SORCS2: variants seen among roughly 807,000 people sequenced by gnomAD.
SORCS2 encodes sortilin related VPS10 domain containing receptor 2.
Under a neutral mutation model 141.6 loss-of-function variants are expected in SORCS2, and 100 were observed. That is an observed-to-expected ratio of 0.71 (90% CI 0.60 to 0.83). SORCS2 has a LOEUF of 0.83. Among genes scored for constraint, SORCS2 ranks in the 40% least tolerant of loss-of-function variants. The pLI is 0.00. For synonymous variants in SORCS2, 789 were observed against 676.9 expected (o/e 1.17, Z -2.57); for missense variants, 1,646 against 1,560.2 (o/e 1.05, Z -0.93).
intron 9 of SORCS2, among the ~76,000 whole-genome samples, 193 bp downstream of exon 9, chr4:7,676,422 GA>G (rs1723116147): frequency 6.6e-6 from 1 of 152,172 alleles, no homozygotes. Context: ...TATTTTTAGA[GA>G]AAGAGAATTT....
chr4:7,387,922 C>T lies in SORCS2; in HGVS notation c.481-8366C>T, dbSNP rs933498055. 7.3e-5 allele frequency among the ~76,000 whole-genome samples: 4 copies of T among 54,556 alleles called. No homozygotes were observed. The East Asian group carries it at 5.3e-3, about 73-fold the overall frequency. The allele number at this position is 54,556 out of a possible 152,430, so 35.8% of individuals were successfully genotyped here. ...CAGAGATATACACACATGCACACAC[C>T]CACATGCACACACCGATACACATAC... On this transcript the variant is annotated intron_variant, in intron 1 of 26. Coordinates refer to ENST00000507866, the MANE Select transcript of SORCS2 (RefSeq NM_020777.3).
chr4:7,571,055 C>A (rs1489178801), intron 3 of SORCS2, among the ~76,000 whole-genome samples: 2 of 152,220 alleles, frequency 1.3e-5, no homozygotes, highest in African/African-American at 4.8e-5. Flanking sequence ...TCCCCATCTC[C>A]CCAGCTGGAG....
chr4:7,599,354 G>C (rs543493871), intron 3 of SORCS2, among the ~76,000 whole-genome samples: 2 of 152,170 alleles, frequency 1.3e-5, no homozygotes, highest in Non-Finnish European at 2.9e-5. Context: ...CACTTGGCAC[G>C]GGTGCTTCTC....
intron 2 of SORCS2, among the ~76,000 whole-genome samples, chr4:7,409,556 T>C (rs938434491): frequency 6.6e-6 from 1 of 152,206 alleles, no homozygotes; most frequent in African/African-American, 2.4e-5. Flanking sequence ...TTGTTTTCTA[T>C]GGATCATGGC....
Position 7,629,547 on chromosome 4 carries a change from C to T in SORCS2, c.649-8781C>T, listed in dbSNP as rs920690308. ...CCCCTCACCCCTGGCCACTCTCCAG[C>T]GCCCTACCCCCCAACCCCCCTCGCT... is the stretch of plus-strand genomic sequence containing the variant. On this transcript the variant is annotated intron_variant, in intron 3 of 26. Coordinates refer to ENST00000507866, the MANE Select transcript of SORCS2 (RefSeq NM_020777.3). Among the ~76,000 whole-genome samples, 17 of 151,920 alleles carry T rather than the reference C, an allele frequency of 1.1e-4. No homozygotes were observed. The South Asian group carries it at 1.5e-3, about 13-fold the overall frequency.
At chr4:7,596,352 C>A (rs1717276648) in intron 3 of SORCS2, among the ~76,000 whole-genome samples, 1 of 152,118 alleles carries the variant, frequency 6.6e-6, no homozygotes, top group East Asian at 1.9e-4. Flanking sequence ...GGTTGAAGTG[C>A]CGACAGTGTG....
chr4:7,200,797 G>A (rs1280570925), intron 1 of SORCS2, among the ~76,000 whole-genome samples: 5 of 152,156 alleles, frequency 3.3e-5, no homozygotes, highest in African/African-American at 1.2e-4. Flanking sequence ...TGTGTGTCAG[G>A]CCAGTGCTGG....
intron 3 of SORCS2, among the ~76,000 whole-genome samples, chr4:7,579,028 A>AT (rs1715963852): frequency 6.6e-6 from 1 of 152,184 alleles, no homozygotes; most frequent in Non-Finnish European, 1.5e-5. Context: ...GTGAATGGGC[A>AT]GATGGCTATA....
chr4:7,669,043 C>G (rs1463747930), intron 8 of SORCS2, among the ~76,000 whole-genome samples: 2 of 152,340 alleles, frequency 1.3e-5, no homozygotes, highest in East Asian at 3.9e-4. Context: ...CGTCTGCTCC[C>G]TGGACCTGCA....
chr4:7,619,181 C>A (rs759426565), intron 3 of SORCS2, among the ~76,000 whole-genome samples: 1 of 152,326 alleles, frequency 6.6e-6, no homozygotes, highest in South Asian at 2.1e-4. Flanking sequence ...ATGCGTGTGC[C>A]ACTCGGCACC....
At chr4:7,445,106 G>A (rs1727903691) in intron 2 of SORCS2, among the ~76,000 whole-genome samples, 1 of 146,002 alleles carries the variant, frequency 6.8e-6, no homozygotes, top group Admixed American at 6.6e-5. Context: ...TGCAAGATGG[G>A]CTGGCTGTCT....
Position 7,678,369 on chromosome 4 carries a change from G to A in SORCS2, c.1341+2140G>A, listed in dbSNP as rs190234438. Reference sequence around the variant, plus strand: ...GTCCACCAGCTGGGTGCCCTCCCAAGGGATGGCCCTTCTCTGAAAACCATC... The same window carrying A: ...GTCCACCAGCTGGGTGCCCTCCCAAAGGATGGCCCTTCTCTGAAAACCATC... On this transcript the variant is annotated intron_variant, in intron 9 of 26. Transcript: ENST00000507866. 8.8e-4 allele frequency among the ~76,000 whole-genome samples: 133 copies of A among 151,488 alleles called. No homozygotes were observed. The South Asian group carries it at 0.011, about 13-fold the overall frequency.
At chr4:7,388,868 G>T (rs1396675741) in intron 1 of SORCS2, among the ~76,000 whole-genome samples, 1 of 151,866 alleles carries the variant, frequency 6.6e-6, no homozygotes, top group African/African-American at 2.4e-5. Flanking sequence ...GCTGGTGGAT[G>T]CGTGGGTTAT....
At chr4:7,568,978 C>T (rs1005211836) in intron 3 of SORCS2, among the ~76,000 whole-genome samples, 19 of 152,216 alleles carry the variant, frequency 1.2e-4, no homozygotes, top group African/African-American at 4.6e-4. Flanking sequence ...GAACTCCCAC[C>T]TCACCTCTCT....
chr4:7,261,959 A>G (rs913460791), intron 1 of SORCS2, among the ~76,000 whole-genome samples: 2 of 152,260 alleles, frequency 1.3e-5, no homozygotes, highest in Non-Finnish European at 2.9e-5. Context: ...ATTTCATTCT[A>G]AGGAAAACCC....
At chr4:7,591,958 G>C (rs17368034) in intron 3 of SORCS2, among the ~76,000 whole-genome samples, 37,092 of 151,864 alleles carry the variant, frequency 0.24, 4,721 homozygotes, top group Non-Finnish European at 0.29. Context: ...GGCCATTTCA[G>C]CCGACCAACA....
intron 3 of SORCS2, among the ~76,000 whole-genome samples, chr4:7,532,380 G>A (rs112359318): frequency 7.9e-4 from 120 of 152,282 alleles, no homozygotes; most frequent in African/African-American, 2.6e-3. Context: ...CCCACACCTC[G>A]CACAGGGAAT....
intron 1 of SORCS2, among the ~76,000 whole-genome samples, chr4:7,359,431 G>A (rs1370346710): frequency 6.6e-6 from 1 of 152,240 alleles, no homozygotes; most frequent in East Asian, 1.9e-4. Context: ...AACGTGCCTG[G>A]CCCAAGTAAT....
chr4:7,698,853 G>GT (rs758636989), intron 12 of SORCS2, among the ~76,000 whole-genome samples: 80,649 of 149,422 alleles, frequency 0.54, 22,668 homozygotes, highest in East Asian at 0.75. Context: ...GCTCCTGTGG[G>GT]TTTTTTTTTA....
Sources: gnomAD v4.1 joint callset for allele counts (sites outside exome capture counted in the v4.1 genomes callset) on GRCh38, gnomAD v4.1.1 for gene constraint, MANE v1.5 for transcripts, NCBI Gene and HGNC (gene_info 2026-07-23, HGNC 2026-07-21) for gene names.